The following DAB1 variants were observed in gnomAD, a reference collection of about 807,000 sequenced individuals.
DAB1 encodes DAB adaptor protein 1.
A neutral mutation model predicts 64.6 loss-of-function variants in DAB1; 15 were observed. That is an observed-to-expected ratio of 0.23 (90% CI 0.16 to 0.36). The LOEUF is 0.36. Among genes scored for constraint, DAB1 ranks in the 10% least tolerant of loss-of-function variants. The pLI, the probability that DAB1 is intolerant of heterozygous loss-of-function variation, is 1.00. For synonymous variants in DAB1, 235 were observed against 251.9 expected (o/e 0.93, Z 0.64); for missense variants, 596 against 706.7 (o/e 0.84, Z 1.78).
At chr1:57,616,965 T>G (rs922825835) in intron 7 of DAB1, among the ~76,000 whole-genome samples, 1 of 152,130 alleles carries the variant, frequency 6.6e-6, no homozygotes, top group Non-Finnish European at 1.5e-5. Flanking sequence ...CGCAAAGGAA[T>G]TTTGACTTGA....
intron 6 of DAB1, among the ~76,000 whole-genome samples, chr1:57,774,340 C>A (rs964553524): frequency 1.3e-5 from 2 of 151,696 alleles, no homozygotes; most frequent in South Asian, 4.2e-4. Context: ...CCTCTTAATT[C>A]CAGTACATTT....
chr1:57,072,435 A>T, intron 4 of DAB1, 21 bp from the exon 5 acceptor site: 1 of 1,609,886 alleles, frequency 6.2e-7, no homozygotes, highest in Non-Finnish European at 8.5e-7. Context: ...AAAAAAAGGA[A>T]GAACATATTT....
intron 4 of DAB1, among the ~76,000 whole-genome samples, chr1:58,284,830 C>A (rs1484710258): frequency 6.6e-6 from 1 of 152,224 alleles, no homozygotes; most frequent in Non-Finnish European, 1.5e-5. Flanking sequence ...TGGCGATGCA[C>A]ACATGAATAA....
chr1:58,171,848 A>T (rs1433545416), intron 4 of DAB1, among the ~76,000 whole-genome samples: 1 of 152,218 alleles, frequency 6.6e-6, no homozygotes, highest in African/African-American at 2.4e-5. Context: ...CTTTCTAGCT[A>T]ATCAAGGGTA....
At chr1:57,079,933 T>C (rs1652335890) in intron 4 of DAB1, among the ~76,000 whole-genome samples, 1 of 152,196 alleles carries the variant, frequency 6.6e-6, no homozygotes, top group Non-Finnish European at 1.5e-5. Flanking sequence ...TGGGGATGAA[T>C]TGATCAGTGT....
intron 7 of DAB1, among the ~76,000 whole-genome samples, chr1:57,452,157 G>GA (rs1553183366): frequency 9.1e-6 from 1 of 110,240 alleles, no homozygotes; most frequent in Non-Finnish European, 1.7e-5. Flanking sequence ...GTCTCTCTCT[G>GA]CACCCCCCCT....
chr1:58,517,882 T>C lies in DAB1; in HGVS notation n.107+9379A>G, dbSNP rs890255979. Among the ~76,000 whole-genome samples the C allele has an allele frequency of 2.6e-5, 4 of 151,768 alleles. No homozygotes were observed. In the South Asian group the frequency reaches 8.3e-4, roughly 32 times the overall value. On this transcript the variant is annotated intron_variant and non_coding_transcript_variant, in intron 2 of 20. Coordinates refer to the DAB1 transcript ENST00000485760. ...TTCTGGTCAATGTCTTCTTAAAGCC[T>C]TATCTTAAGAAAGTGAGTATCAGGC...
At position 57,072,290 on chromosome 1, in the gene DAB1, G is replaced by T; in HGVS notation, c.431C>A (p.Ala144Asp). 6.2e-7 allele frequency: 1 copy of T among 1,613,552 alleles called. No homozygotes were observed. Among genetic ancestry groups the T allele is most frequent in the Non-Finnish European group, 8.5e-7 (1 of 1,179,632 alleles). Residue 144 changes from alanine to aspartate, a missense_variant, in exon 5 of 15, where the codon GCC becomes GAC. Physicochemically the swap from Ala to Asp is moderately radical, Grantham distance 126 (BLOSUM62 -2). Coordinates refer to ENST00000371236, the MANE Select transcript of DAB1 (RefSeq NM_001365792.1). Reference protein sequence around the residue: ...GNHRFVAIKTAQAAEPVILDL... With the variant: ...GNHRFVAIKTDQAAEPVILDL... ...TTGGATAGGGATACTCACCGCCTGGGCTGTTTTTATGGCCACAAATCTGTG... is the reference window on the plus strand; with the variant it reads ...TTGGATAGGGATACTCACCGCCTGGTCTGTTTTTATGGCCACAAATCTGTG...
chr1:57,841,593 C>T (rs1569827092), intron 1 of DAB1, among the ~76,000 whole-genome samples: 1 of 152,232 alleles, frequency 6.6e-6, no homozygotes, highest in African/African-American at 2.4e-5. Flanking sequence ...ACATGGAAGC[C>T]ACCAAGGCTT....
intron 7 of DAB1, among the ~76,000 whole-genome samples, chr1:57,612,214 TGTGTG>T (rs1645735954): frequency 1.4e-5 from 2 of 144,282 alleles, no homozygotes; most frequent in Admixed American, 1.4e-4. Flanking sequence ...TGTGTGTGTG[TGTGTG>T]CATGTGTGTG....
intron 1 of DAB1, among the ~76,000 whole-genome samples, chr1:57,331,148 T>G (rs916524285): frequency 6.6e-6 from 1 of 152,208 alleles, no homozygotes; most frequent in African/African-American, 2.4e-5. Flanking sequence ...TATTGTATTT[T>G]TTTTGACTCT....
At chr1:58,390,864 A>C (rs76165301) in intron 3 of DAB1, among the ~76,000 whole-genome samples, 1 of 152,142 alleles carries the variant, frequency 6.6e-6, no homozygotes, top group South Asian at 2.1e-4. Flanking sequence ...TGTGTAACAA[A>C]TGGAAAGTGT....
chr1:57,446,585 C>A (rs1324578745), intron 7 of DAB1, among the ~76,000 whole-genome samples: 17 of 94,080 alleles, frequency 1.8e-4, no homozygotes, highest in Admixed American at 1.7e-3. Flanking sequence ...GCAACAAGAG[C>A]AAAACTCCGT....
chr1:57,866,039 G>A (rs1381089716), intron 1 of DAB1, among the ~76,000 whole-genome samples: 1 of 152,120 alleles, frequency 6.6e-6, no homozygotes, highest in Non-Finnish European at 1.5e-5. Flanking sequence ...CTTTCATAGG[G>A]GCACTGATCC....
intron 4 of DAB1, among the ~76,000 whole-genome samples, chr1:58,217,662 C>T (rs531809064): frequency 6.6e-6 from 1 of 152,278 alleles, no homozygotes; most frequent in South Asian, 2.1e-4. Flanking sequence ...GAGTATTATT[C>T]TCCCATTTTA....
chr1:57,072,774 T>C (rs1570639327), intron 4 of DAB1, among the ~76,000 whole-genome samples: 1 of 152,350 alleles, frequency 6.6e-6, no homozygotes, highest in East Asian at 1.9e-4. Flanking sequence ...TTAATTTACT[T>C]AAATACTCGG....
At chr1:57,483,029 T>G (rs528237909) in intron 7 of DAB1, among the ~76,000 whole-genome samples, 1 of 152,328 alleles carries the variant, frequency 6.6e-6, no homozygotes, top group African/African-American at 2.4e-5. Flanking sequence ...TGTGGAGGAT[T>G]GCTTATGATA....
chr1:58,265,315 C>T (rs936052204), intron 4 of DAB1, among the ~76,000 whole-genome samples: 1 of 152,186 alleles, frequency 6.6e-6, no homozygotes, highest in African/African-American at 2.4e-5. Flanking sequence ...CATTCTCTTT[C>T]TCTCTCCTTA....
At chr1:58,461,278 C>T (rs1024981857) in intron 3 of DAB1, among the ~76,000 whole-genome samples, 4 of 152,096 alleles carry the variant, frequency 2.6e-5, no homozygotes, top group Non-Finnish European at 1.5e-5. Context: ...AATATATATA[C>T]ATTGGTACTA....
Sources: allele counts gnomAD v4.1 joint callset (sites outside exome capture counted in the v4.1 genomes callset), GRCh38; gene constraint gnomAD v4.1.1; transcripts MANE v1.5; gene names NCBI Gene and HGNC (gene_info 2026-07-23, HGNC 2026-07-21).